The following BMPR1A variants were observed in gnomAD, a reference collection of about 807,000 sequenced individuals.
BMPR1A encodes the protein bone morphogenetic protein receptor type-1A.
A neutral mutation model predicts 66.0 loss-of-function variants in BMPR1A; 7 were observed. The observed-to-expected ratio is 0.11, with a 90% CI of 0.06 to 0.20. The LOEUF (loss-of-function observed/expected upper bound fraction) is 0.20, where lower values mean the gene tolerates loss of function less well. Among genes scored for constraint, BMPR1A ranks in the 10% least tolerant of loss-of-function variants. The probability of loss-of-function intolerance (pLI) is 1.00; values close to 1 mark genes in which losing one functional copy is unlikely to be tolerated. For synonymous variants in BMPR1A, 200 were observed against 229.7 expected (o/e 0.87, Z 1.17); for missense variants, 408 against 669.1 (o/e 0.61, Z 4.31).
At chr10:86,823,310 GTGCTT>G (rs1366683711) in intron 1 of BMPR1A, among the ~76,000 whole-genome samples, 5 of 152,204 alleles carry the variant, frequency 3.3e-5, no homozygotes, top group African/African-American at 1.2e-4. Context: ...CTTACACTTA[GTGCTT>G]ACTGTCTGCC....
In BMPR1A at chr10:86,901,891, G is replaced by C. The variant is rs144480221; in HGVS notation, c.530+1765G>C. ...ATTTATTTATTTATTTAGAAATAGA[G>C]TCTCACTCTGTCTCCCAGGTGGAGT... On this transcript the variant is annotated intron_variant, in intron 7 of 12. Transcript: ENST00000372037. Among the ~76,000 whole-genome samples, 228 of 121,412 alleles carry C rather than the reference G, an allele frequency of 1.9e-3. 1 individual carries two copies. The highest frequency in any genetic ancestry group is 9.0e-3 in the African/African-American group (220 of 24,352). 79.7% of individuals were successfully genotyped at this position (121,412 alleles called of 152,430 possible). A position where few individuals can be genotyped will look rare whatever the true frequency, so the allele number is the denominator to read the frequency against.
intron 7 of BMPR1A, among the ~76,000 whole-genome samples, chr10:86,904,497 A>T (rs1333328171): frequency 6.6e-6 from 1 of 152,228 alleles, no homozygotes; most frequent in Non-Finnish European, 1.5e-5. Context: ...CTATAGCCAG[A>T]GAAAATATCC....
intron 1 of BMPR1A, among the ~76,000 whole-genome samples, chr10:86,835,027 C>A (rs1196175041): frequency 6.6e-6 from 1 of 151,856 alleles, no homozygotes; most frequent in Non-Finnish European, 1.5e-5. Flanking sequence ...GTTGTTGATT[C>A]CACCGAATTC....
At chr10:86,791,683 T>TCCTTCCTTCCTCCCTCCCTCCCTC (rs1283624885) in intron 1 of BMPR1A, among the ~76,000 whole-genome samples, 12,064 of 89,238 alleles carry the variant, frequency 0.14, 1,543 homozygotes, top group East Asian at 0.45. Flanking sequence ...CTTCTTTACT[T>TCCTTCCTTCCTCCCTCCCTCCCTC]CCTTCCTCCC....
At chr10:86,804,792 G>GTTTTTTTTT (rs5786747) in intron 1 of BMPR1A, among the ~76,000 whole-genome samples, 8 of 57,258 alleles carry the variant, frequency 1.4e-4, no homozygotes, top group Non-Finnish European at 2.2e-4. Flanking sequence ...GTTTGTAGGT[G>GTTTTTTTTT]TTTTTTTTTT....
At chr10:86,758,661 A>C (rs942301007) in intron 1 of BMPR1A, among the ~76,000 whole-genome samples, 1 of 152,214 alleles carries the variant, frequency 6.6e-6, no homozygotes, top group African/African-American at 2.4e-5. Flanking sequence ...GCAACATTGA[A>C]ATTAAAATTT....
chr10:86,837,275 A>G lies in BMPR1A; in HGVS notation c.-267-1590A>G, dbSNP rs1002982169. On this transcript the variant is annotated intron_variant, in intron 1 of 12. Coordinates refer to ENST00000372037, the MANE Select transcript of BMPR1A (RefSeq NM_004329.3). Reference sequence around the variant, plus strand: ...TGTGTGTGTGTGTGTGTGTGTGTGTAATCAGGCTGGTCTCGAACTCCTGAC... The same window carrying G: ...TGTGTGTGTGTGTGTGTGTGTGTGTGATCAGGCTGGTCTCGAACTCCTGAC... 3.3e-4 allele frequency among the ~76,000 whole-genome samples: 18 copies of G among 53,810 alleles called. No homozygotes were observed. In the East Asian group the frequency reaches 9.5e-3, roughly 28 times the overall value. 35.3% of individuals were successfully genotyped at this position (53,810 alleles called of 152,430 possible).
intron 7 of BMPR1A, 36 bp from the exon 8 acceptor site, chr10:86,912,204 A>C (rs1564721871): frequency 6.2e-7 from 1 of 1,609,682 alleles, no homozygotes; most frequent in Non-Finnish European, 8.5e-7. Flanking sequence ...ATAGTTTTTC[A>C]TTTTTAATGT....
intron 2 of BMPR1A, among the ~76,000 whole-genome samples, chr10:86,866,107 TC>T (rs1423278766): frequency 6.6e-6 from 1 of 152,084 alleles, no homozygotes; most frequent in Non-Finnish European, 1.5e-5. Context: ...CTTCCAGCTT[TC>T]TCTAGTTCCC....
intron 3 of BMPR1A, among the ~76,000 whole-genome samples, chr10:86,883,587 A>C: frequency 7.0e-6 from 1 of 142,572 alleles, no homozygotes; most frequent in East Asian, 2.4e-4. Context: ...CCTGGCCAAC[A>C]TGGTGAAACA....
intron 7 of BMPR1A, among the ~76,000 whole-genome samples, chr10:86,902,693 C>A (rs749320906): frequency 1.3e-5 from 2 of 152,148 alleles, no homozygotes; most frequent in Non-Finnish European, 2.9e-5. Context: ...CTCTGAGAAA[C>A]CAGAAACAAG....
rs190991107 is a variant in BMPR1A at position 86,790,506 on chromosome 10, T to G, written c.-268+33587T>G. Among the ~76,000 whole-genome samples the G allele has an allele frequency of 1.7e-3, 260 of 152,078 alleles. 1 individual carries two copies. The highest frequency in any genetic ancestry group is 6.1e-3 in the African/African-American group (253 of 41,484). On this transcript the variant is annotated intron_variant, in intron 1 of 12. Transcript: ENST00000372037. ...CACACAAAAATTTGTGCATGAAAGT[T>G]TACAGCAGCATTATTCATAATAGGA... is the stretch of plus-strand genomic sequence containing the variant.
downstream of BMPR1A, chr10:86,930,461 TAG>T (rs1843797079): frequency 6.6e-6 from 1 of 152,180 alleles, no homozygotes; most frequent in East Asian, 1.9e-4. Flanking sequence ...GTATTTTTAG[TAG>T]AGACGGGGTT....
chr10:86,859,447 G>A (rs771576345), intron 2 of BMPR1A, among the ~76,000 whole-genome samples: 2 of 152,008 alleles, frequency 1.3e-5, no homozygotes, highest in Non-Finnish European at 2.9e-5. Flanking sequence ...GGGGTTATAG[G>A]TGTGAGCCAT....
chr10:86,886,026 A>G (rs1418695048), intron 3 of BMPR1A, among the ~76,000 whole-genome samples: 1 of 152,148 alleles, frequency 6.6e-6, no homozygotes, highest in Non-Finnish European at 1.5e-5. Flanking sequence ...TTTTCCTGAG[A>G]TGTTATACTT....
At chr10:86,844,917 C>T (rs1479565822) in intron 2 of BMPR1A, among the ~76,000 whole-genome samples, 3 of 152,190 alleles carry the variant, frequency 2.0e-5, no homozygotes, top group African/African-American at 7.2e-5. Context: ...GCTGGGATTA[C>T]AGGCACCCGC....
At chr10:86,774,785 G>C (rs1841319770) in intron 1 of BMPR1A, among the ~76,000 whole-genome samples, 1 of 152,186 alleles carries the variant, frequency 6.6e-6, no homozygotes, top group African/African-American at 2.4e-5. Flanking sequence ...GATTATATTA[G>C]TGTCATTTAC....
At chr10:86,888,496 G>A (rs1365522487) in intron 3 of BMPR1A, among the ~76,000 whole-genome samples, 1 of 151,956 alleles carries the variant, frequency 6.6e-6, no homozygotes, top group Non-Finnish European at 1.5e-5. Context: ...TACTCATTCA[G>A]TAGCAAATTC....
intron 3 of BMPR1A, among the ~76,000 whole-genome samples, chr10:86,879,115 C>T (rs774428885): frequency 6.6e-6 from 1 of 152,114 alleles, no homozygotes. Flanking sequence ...TTATGTGGCT[C>T]ATCAAGACCC....
Sources: allele counts gnomAD v4.1 joint callset (sites outside exome capture counted in the v4.1 genomes callset), GRCh38; gene constraint gnomAD v4.1.1; transcripts MANE v1.5; gene names NCBI Gene and HGNC (gene_info 2026-07-23, HGNC 2026-07-21).